Variants in PDGFC observed in about 807,000 individuals in gnomAD.
PDGFC encodes platelet-derived growth factor C.
Under a neutral mutation model 35.5 loss-of-function variants are expected in PDGFC, and 12 were observed. That is an observed-to-expected ratio of 0.34 (90% CI 0.22 to 0.55). The LOEUF is 0.55. PDGFC is among the 20% of genes least tolerant of loss of function. PDGFC has a pLI of 0.91. For missense variants in PDGFC, 322 were observed against 412.4 expected (o/e 0.78, Z 1.90); for synonymous variants, 159 against 148.8 (o/e 1.07, Z -0.50).
intron 3 of PDGFC, among the ~76,000 whole-genome samples, chr4:156,797,003 C>T (rs779472134): frequency 4.0e-5 from 6 of 151,806 alleles, no homozygotes; most frequent in South Asian, 2.1e-4. Flanking sequence ...TTTGAGAGGC[C>T]GAGCAGAGCG....
chr4:156,934,540 A>C (rs1731630902), intron 1 of PDGFC, among the ~76,000 whole-genome samples: 1 of 152,174 alleles, frequency 6.6e-6, no homozygotes, highest in African/African-American at 2.4e-5. Context: ...TGCTACACTA[A>C]ATATATTTGT....
intron 1 of PDGFC, among the ~76,000 whole-genome samples, chr4:156,902,741 A>G (rs565906837): frequency 1.0e-3 from 152 of 152,212 alleles, no homozygotes; most frequent in African/African-American, 3.4e-3. Context: ...CCCCAGCCAA[A>G]CCAACCACAT....
chr4:156,856,993 T>C (rs898014119), intron 1 of PDGFC, among the ~76,000 whole-genome samples: 4 of 151,962 alleles, frequency 2.6e-5, no homozygotes, highest in African/African-American at 9.7e-5. Context: ...GCCACAGTTG[T>C]AGTCATTATT....
intron 2 of PDGFC, among the ~76,000 whole-genome samples, chr4:156,849,946 T>G (rs916839861): frequency 6.6e-6 from 1 of 152,082 alleles, no homozygotes; most frequent in Non-Finnish European, 1.5e-5. Flanking sequence ...AATCCTTATT[T>G]TAAATGGTTT....
chr4:156,777,978 C>T (rs1204134788), intron 3 of PDGFC, among the ~76,000 whole-genome samples: 1 of 152,056 alleles, frequency 6.6e-6, no homozygotes, highest in Non-Finnish European at 1.5e-5. Flanking sequence ...GTTGGCCACG[C>T]TTATAATCCC....
chr4:156,772,921 CTG>C (rs778059341), intron 3 of PDGFC, 28 bp from the exon 4 acceptor site: 1 of 1,521,432 alleles, frequency 6.6e-7, no homozygotes, highest in South Asian at 1.1e-5. Flanking sequence ...CCTGTGTTAA[CTG>C]TTTTAAAAAC....
chr4:156,814,391 G>A (rs1477645786), intron 2 of PDGFC, among the ~76,000 whole-genome samples: 1 of 152,130 alleles, frequency 6.6e-6, no homozygotes, highest in African/African-American at 2.4e-5. Flanking sequence ...AGGTGCAGAC[G>A]TTAAGGTAAC....
intron 2 of PDGFC, among the ~76,000 whole-genome samples, chr4:156,812,614 T>A (rs890098122): frequency 1.3e-5 from 2 of 152,062 alleles, no homozygotes; most frequent in African/African-American, 2.4e-5. Flanking sequence ...AAAGAAAAAG[T>A]TGCTGAAAAA....
chr4:156,871,153 A>G (rs1011449917), intron 1 of PDGFC, among the ~76,000 whole-genome samples: 2 of 152,106 alleles, frequency 1.3e-5, no homozygotes, highest in South Asian at 2.1e-4. Context: ...TGCAACTTCT[A>G]TTAGTAGATG....
chr4:156,824,319 T>C (rs377303748), intron 2 of PDGFC, among the ~76,000 whole-genome samples: 21,444 of 94,930 alleles, frequency 0.23, 2,581 homozygotes, highest in South Asian at 0.33. Flanking sequence ...TATATATATA[T>C]ATATATATAC....
At chr4:156,823,997 G>T (rs1460293414) in intron 2 of PDGFC, among the ~76,000 whole-genome samples, 1 of 151,944 alleles carries the variant, frequency 6.6e-6, no homozygotes, top group African/African-American at 2.4e-5. Flanking sequence ...AGTACTAAAT[G>T]ATCTCATTTA....
chr4:156,919,351 T>C (rs979703797), intron 1 of PDGFC, among the ~76,000 whole-genome samples: 2 of 152,156 alleles, frequency 1.3e-5, no homozygotes, highest in African/African-American at 4.8e-5. Context: ...AGTAGAGAAT[T>C]TGGTGATACA....
intron 1 of PDGFC, among the ~76,000 whole-genome samples, chr4:156,880,404 C>T (rs1730213683): frequency 6.6e-6 from 1 of 151,934 alleles, no homozygotes; most frequent in Admixed American, 6.6e-5. Flanking sequence ...ATTTTTACAG[C>T]ATGGTTTACT....
chr4:156,940,448 G>A (rs1326054022), intron 1 of PDGFC, among the ~76,000 whole-genome samples: 2 of 152,070 alleles, frequency 1.3e-5, no homozygotes, highest in East Asian at 3.9e-4. Context: ...GTAAAACAAT[G>A]CGTGAAATTC....
intron 1 of PDGFC, among the ~76,000 whole-genome samples, chr4:156,935,957 T>C (rs1052603435): frequency 3.9e-5 from 6 of 152,182 alleles, no homozygotes; most frequent in Non-Finnish European, 7.4e-5. Context: ...TTAGGGGTCA[T>C]AGACAGGGGA....
At chr4:156,899,715 T>C (rs2110757701) in intron 1 of PDGFC, among the ~76,000 whole-genome samples, 1 of 152,244 alleles carries the variant, frequency 6.6e-6, no homozygotes, top group East Asian at 1.9e-4. Flanking sequence ...CTAGGGAGGC[T>C]GAGGCAGGAG....
chr4:156,836,748 C>T (rs1729072629), intron 2 of PDGFC, among the ~76,000 whole-genome samples: 1 of 152,118 alleles, frequency 6.6e-6, no homozygotes, highest in Non-Finnish European at 1.5e-5. Context: ...CTTGGAAGGA[C>T]TTTGTTAAAT....
intron 3 of PDGFC, among the ~76,000 whole-genome samples, chr4:156,783,082 A>C (rs2110853580): frequency 6.6e-6 from 1 of 152,306 alleles, no homozygotes; most frequent in East Asian, 1.9e-4. Context: ...ATTAGAAAGT[A>C]ATTATTATAT....
chr4:156,916,884 C>G (rs1731166495), intron 1 of PDGFC, among the ~76,000 whole-genome samples: 1 of 152,172 alleles, frequency 6.6e-6, no homozygotes, highest in Non-Finnish European at 1.5e-5. Context: ...ACTCTTAAGT[C>G]TTTTGCAATA....
Sources: gnomAD v4.1 joint callset for allele counts (sites outside exome capture counted in the v4.1 genomes callset) on GRCh38, gnomAD v4.1.1 for gene constraint, MANE v1.5 for transcripts, NCBI Gene and HGNC (gene_info 2026-07-23, HGNC 2026-07-21) for gene names.